The following CFAP20DC variants were observed in gnomAD, a reference collection of about 807,000 sequenced individuals.
The protein encoded by CFAP20DC is CFAP20 domain containing.
In CFAP20DC, 84 loss-of-function variants were observed where a neutral mutation model predicts 101.7. The ratio of observed to expected loss-of-function variants is 0.83; its 90% confidence interval spans 0.69 to 0.99. CFAP20DC has a LOEUF of 0.99. CFAP20DC is among the 50% of genes least tolerant of loss of function. The probability of loss-of-function intolerance (pLI) is 0.00; values close to 1 mark genes in which losing one functional copy is unlikely to be tolerated. For missense variants in CFAP20DC, 1,007 were observed against 970.3 expected, an observed-to-expected ratio of 1.04 and a Z score of -0.50; for synonymous variants, 359 against 351.2, an observed-to-expected ratio of 1.02 and a Z score of -0.25.
chr3:59,025,591 C>T (rs755547240), intron 4 of CFAP20DC, among the ~76,000 whole-genome samples: 11 of 152,210 alleles, frequency 7.2e-5, no homozygotes, highest in African/African-American at 2.4e-4. Context: ...ATAATATCAG[C>T]CCCATTGTAC....
chr3:58,750,380 T>A (rs972353525), intron 16 of CFAP20DC, among the ~76,000 whole-genome samples: 3 of 152,180 alleles, frequency 2.0e-5, no homozygotes, highest in African/African-American at 7.2e-5. Flanking sequence ...TAAGTCCCAA[T>A]GTAACCATGT....
chr3:58,773,759 G>A (rs1019282132), intron 15 of CFAP20DC, among the ~76,000 whole-genome samples: 1 of 152,090 alleles, frequency 6.6e-6, no homozygotes, highest in Non-Finnish European at 1.5e-5. Context: ...TCATTCAAGA[G>A]CCTGATTTAT....
chr3:58,765,490 C>CAAAAAAAAAAAAAAAAAAAAAAACA (rs1337049385), intron 15 of CFAP20DC, among the ~76,000 whole-genome samples: 7 of 81,794 alleles, frequency 8.6e-5, no homozygotes, highest in Admixed American at 2.7e-4. Context: ...AAAAAAAAAC[C>CAAAAAAAAAAAAAAAAAAAAAAACA]AAAAAAAAAA....
intron 4 of CFAP20DC, among the ~76,000 whole-genome samples, chr3:58,952,074 A>G (rs1559887195): frequency 6.6e-6 from 1 of 152,130 alleles, no homozygotes; most frequent in African/African-American, 2.4e-5. Context: ...GGGGTAGGGT[A>G]GGGATGGAAT....
chr3:58,906,034 A>T (rs2107236547), intron 6 of CFAP20DC, among the ~76,000 whole-genome samples: 1 of 152,318 alleles, frequency 6.6e-6, no homozygotes. Context: ...GAATAGTGTG[A>T]CATTGTGCAC....
At chr3:58,808,722 C>T (rs1219860842) in intron 14 of CFAP20DC, among the ~76,000 whole-genome samples, 7 of 152,052 alleles carry the variant, frequency 4.6e-5, no homozygotes, top group African/African-American at 9.7e-5. Flanking sequence ...CTATATTAAC[C>T]TTAAATGTAA....
intron 4 of CFAP20DC, among the ~76,000 whole-genome samples, chr3:58,978,922 C>T (rs1468591900): frequency 6.6e-6 from 1 of 152,082 alleles, no homozygotes; most frequent in African/African-American, 2.4e-5. Context: ...TCAGCAATAT[C>T]CACTCTAATC....
chr3:58,887,151 A>G (rs150030330), intron 6 of CFAP20DC, among the ~76,000 whole-genome samples: 4 of 152,356 alleles, frequency 2.6e-5, no homozygotes, highest in Middle Eastern at 3.4e-3. Context: ...TAGTCATTAA[A>G]AATGCACTAG....
At chr3:58,735,468 C>A (rs1031758574) in intron 3 of CFAP20DC, among the ~76,000 whole-genome samples, 26 of 152,324 alleles carry the variant, frequency 1.7e-4, no homozygotes, top group African/African-American at 6.0e-4. Context: ...AACTCTCAAA[C>A]GTCACTGCTA....
intron 6 of CFAP20DC, among the ~76,000 whole-genome samples, chr3:58,889,781 G>C (rs551432188): frequency 0.019 from 2,570 of 134,918 alleles, 36 homozygotes; most frequent in Non-Finnish European, 0.026. Context: ...CTTCAAGCAT[G>C]TGTTTAACAA....
In CFAP20DC at chr3:59,039,545, T is replaced by C. The variant is rs978621136; in HGVS notation, c.278+12A>G. 45 of 1,469,048 alleles carry C rather than the reference T, an allele frequency of 3.1e-5. No homozygotes were observed. The highest frequency in any genetic ancestry group is 3.9e-5 in the Non-Finnish European group (43 of 1,089,930). The allele number at this position is 1,469,048 out of a possible 1,614,324, so 91.0% of individuals were successfully genotyped here. ...ACACACAAAACATTCAAAGAAGTTC[T>C]GTATATCTTACAGCAATTCAGTGGA... On this transcript the variant is annotated intron_variant, in intron 4 of 16. Transcript: ENST00000482387.
intron 4 of CFAP20DC, among the ~76,000 whole-genome samples, chr3:58,962,608 G>C (rs2091231140): frequency 2.0e-5 from 3 of 152,158 alleles, no homozygotes; most frequent in Admixed American, 2.0e-4. Flanking sequence ...CAATTGGTCA[G>C]AGGCTGTGCT....
intron 16 of CFAP20DC, among the ~76,000 whole-genome samples, chr3:58,752,792 T>C (rs538217731): frequency 2.0e-5 from 3 of 152,156 alleles, no homozygotes; most frequent in South Asian, 2.1e-4. Context: ...GAATTCTCCA[T>C]ACCTAAAGAA....
At chr3:58,758,372 C>T (rs1296737917) in intron 15 of CFAP20DC, among the ~76,000 whole-genome samples, 1 of 152,022 alleles carries the variant, frequency 6.6e-6, no homozygotes, top group Non-Finnish European at 1.5e-5. Context: ...GCTCCTTCAC[C>T]ACATGCCAGT....
chr3:58,791,590 G>T (rs2072862805), intron 15 of CFAP20DC, among the ~76,000 whole-genome samples: 1 of 152,096 alleles, frequency 6.6e-6, no homozygotes, highest in Non-Finnish European at 1.5e-5. Context: ...TATTTCCAAT[G>T]ACAATGTATA....
At chr3:58,925,199 C>T (rs72881692) in intron 5 of CFAP20DC, among the ~76,000 whole-genome samples, 5,644 of 152,024 alleles carry the variant, frequency 0.037, 351 homozygotes, top group African/African-American at 0.13. Context: ...TTATCCTATG[C>T]TGGACATTGT....
chr3:58,861,226 G>T lies in CFAP20DC; in HGVS notation c.1593+2332C>A. The T allele has an allele frequency of 5.0e-6, 2 of 401,236 alleles. No homozygotes were observed. The highest frequency in any genetic ancestry group is 6.8e-6 in the Non-Finnish European group (2 of 296,036). 24.9% of individuals were successfully genotyped at this position (401,236 alleles called of 1,614,324 possible). A position where few individuals can be genotyped will look rare whatever the true frequency, so the allele number is the denominator to read the frequency against. On this transcript the variant is annotated intron_variant, in intron 12 of 16. Transcript: ENST00000482387. The surrounding 1 kb of genome is among the most constrained non-coding windows in gnomAD (Gnocchi z 4.0). ...ATTTTCCTTTAAAAATACTCAATGG[G>T]CTAACATCAAATAAAGTCTTTTAAT...
chr3:58,948,058 C>T (rs192474149), intron 4 of CFAP20DC, among the ~76,000 whole-genome samples: 2 of 152,284 alleles, frequency 1.3e-5, no homozygotes, highest in East Asian at 3.9e-4. Flanking sequence ...AAGTGGGCCT[C>T]CACAGCATCA....
intron 5 of CFAP20DC, among the ~76,000 whole-genome samples, chr3:58,930,127 C>G (rs931642689): frequency 6.6e-6 from 1 of 152,162 alleles, no homozygotes; most frequent in Non-Finnish European, 1.5e-5. Context: ...CTGACTCTTG[C>G]TCTCACAGAA....
Sources: allele counts gnomAD v4.1 joint callset (sites outside exome capture counted in the v4.1 genomes callset), GRCh38; gene constraint gnomAD v4.1.1; non-coding constraint Gnocchi (gnomAD v3.1); transcripts MANE v1.5; gene names NCBI Gene and HGNC (gene_info 2026-07-23, HGNC 2026-07-21).